TMEM53: variants seen among roughly 807,000 people sequenced by gnomAD.
TMEM53 encodes the protein novel DUF829 domain-containing protein.
In TMEM53, 14 loss-of-function variants were observed where a neutral mutation model predicts 21.4. The observed-to-expected ratio is 0.65, with a 90% CI of 0.43 to 1.02. The LOEUF (loss-of-function observed/expected upper bound fraction) is 1.02. TMEM53 is among the 50% of genes least tolerant of loss of function. TMEM53 has a pLI of 0.00. For missense variants in TMEM53, 323 were observed against 383.6 expected, an observed-to-expected ratio of 0.84 and a Z score of 1.32; for synonymous variants, 148 against 157.4, an observed-to-expected ratio of 0.94 and a Z score of 0.45.
At chr1:44,661,747 C>G (rs181530286) in intron 1 of TMEM53, among the ~76,000 whole-genome samples, 417 of 152,210 alleles carry the variant, frequency 2.7e-3, no homozygotes, top group Non-Finnish European at 5.0e-3. Flanking sequence ...CCCCTGCTCC[C>G]CACCCTAAAC....
At position 44,655,772 on chromosome 1, in the gene TMEM53, G is replaced by T. The variant is rs900292212; in HGVS notation, c.184-563C>A. ...CAGGCCCACATCACTTTCATCACTG[G>T]TCACTGTCACCTTCCCTCTCTCCCA... On this transcript the variant is annotated intron_variant, in intron 2 of 2. Coordinates refer to ENST00000372237, the MANE Select transcript of TMEM53 (RefSeq NM_024587.4). The surrounding 1 kb of genome is among the most constrained non-coding windows in gnomAD (Gnocchi z 4.4). 2.0e-5 allele frequency among the ~76,000 whole-genome samples: 3 copies of T among 152,058 alleles called. No homozygotes were observed. Among genetic ancestry groups the T allele is most frequent in the Non-Finnish European group, 4.4e-5 (3 of 68,016 alleles).
At chr1:44,663,376 G>T (rs1644918520) in intron 1 of TMEM53, among the ~76,000 whole-genome samples, 1 of 152,176 alleles carries the variant, frequency 6.6e-6, no homozygotes, top group African/African-American at 2.4e-5. Flanking sequence ...GAGTAGCTGG[G>T]ACTATAGGTG....
rs1348818607 is a variant in TMEM53 at position 44,674,422 on chromosome 1, C to G, written c.-31G>C. ...AGGCGCCGGCCCAGAGCACGGGTCT[C>G]CAGCCGGAACTCCCGCTTGCGCACC... is the stretch of plus-strand genomic sequence containing the variant. On this transcript the variant is annotated 5_prime_UTR_variant, in exon 1 of 3. Coordinates refer to ENST00000372237, the MANE Select transcript of TMEM53 (RefSeq NM_024587.4). The G allele has an allele frequency of 4.4e-6, 7 of 1,593,650 alleles. No homozygotes were observed. The highest frequency in any genetic ancestry group is 6.0e-6 in the Non-Finnish European group (7 of 1,170,912).
chr1:44,665,746 T>C (rs1644943887), intron 1 of TMEM53, among the ~76,000 whole-genome samples: 1 of 151,214 alleles, frequency 6.6e-6, no homozygotes, highest in African/African-American at 2.4e-5. Flanking sequence ...ATCATAGACA[T>C]AAATGTAAGA....
intron 1 of TMEM53, among the ~76,000 whole-genome samples, chr1:44,668,768 C>T (rs1029589371): frequency 2.6e-5 from 4 of 152,344 alleles, no homozygotes; most frequent in African/African-American, 9.6e-5. Flanking sequence ...GTCTCAAATT[C>T]TTGGGCTCAA....
intron 1 of TMEM53, among the ~76,000 whole-genome samples, chr1:44,662,157 T>C (rs1644907695): frequency 6.6e-6 from 1 of 152,346 alleles, no homozygotes; most frequent in Admixed American, 6.5e-5. Context: ...TGGAAATTAA[T>C]GTGATTGAAA....
intron 2 of TMEM53, among the ~76,000 whole-genome samples, chr1:44,656,942 G>A (rs1227585932): frequency 1.3e-5 from 2 of 151,938 alleles, no homozygotes; most frequent in African/African-American, 4.8e-5. Flanking sequence ...AACCCAGGAG[G>A]CAGAGGTTGC....
rs1455585451 is a variant in TMEM53, at chr1:44,654,597, G to A, written c.796C>T (p.Leu266Phe). ...CAGTTGCGCATGAAGTCGACACAGA[G>A]GCTTGTGTAGTAAGTAGGGTAGTCA... ...LRDYPTYYTS[L>F]CVDFMRNCVR... The change falls in exon 3 of 3, where the codon CTC becomes TTC. Residue 266 changes from leucine to phenylalanine, a missense_variant. By Grantham distance (22) the Leu-to-Phe change is conservative. Coordinates refer to ENST00000372237, the MANE Select transcript of TMEM53 (RefSeq NM_024587.4). This position sits in a 1 kb window ranked among gnomAD's most constrained non-coding sequence, Gnocchi z 7.0. 3 of 1,612,272 alleles carry A rather than the reference G, an allele frequency of 1.9e-6. No homozygotes were observed. Among genetic ancestry groups the A allele is most frequent in the Non-Finnish European group, 2.5e-6 (3 of 1,178,642 alleles).
intron 2 of TMEM53, among the ~76,000 whole-genome samples, chr1:44,657,105 T>G (rs1215869374): frequency 1.3e-5 from 2 of 151,692 alleles, no homozygotes; most frequent in African/African-American, 4.8e-5. Context: ...GGAGGCAGAA[T>G]GATTGCTTGA....
At chr1:44,667,764 CA>C (rs1415164630) in intron 1 of TMEM53, among the ~76,000 whole-genome samples, 2 of 151,972 alleles carry the variant, frequency 1.3e-5, no homozygotes, top group Admixed American at 6.6e-5. Flanking sequence ...TCTCAAACAA[CA>C]GGGGAGGTGG....
chr1:44,655,875 T>G lies in TMEM53; in HGVS notation c.184-666A>C, dbSNP rs1644845177. On this transcript the variant is annotated intron_variant, in intron 2 of 2. Transcript: ENST00000372237. The surrounding 1 kb of genome is among the most constrained non-coding windows in gnomAD (Gnocchi z 4.4). Reference sequence around the variant, plus strand: ...ATGTCCCTGGTTCCCCGGCCTGGGATCACTCCTCATATCTGCCCTGAAATT... The same window carrying G: ...ATGTCCCTGGTTCCCCGGCCTGGGAGCACTCCTCATATCTGCCCTGAAATT... 6.6e-6 allele frequency among the ~76,000 whole-genome samples: 1 copy of G among 152,170 alleles called. No individual in the cohort carries two copies. Among genetic ancestry groups the G allele is most frequent in the Non-Finnish European group, 1.5e-5 (1 of 68,026 alleles).
rs1228949540 is a variant in TMEM53, at chr1:44,655,742, T to A, written c.184-533A>T. Among the ~76,000 whole-genome samples the A allele has an allele frequency of 6.6e-6, 1 of 152,158 alleles. No individual in the cohort carries two copies. Among genetic ancestry groups the A allele is most frequent in the South Asian group, 2.1e-4 (1 of 4,834 alleles). ...AGCCCTGACCACCAGAGGCCACTTC[T>A]GAGCCAGGCCCACATCACTTTCATC... On this transcript the variant is annotated intron_variant, in intron 2 of 2. Coordinates refer to ENST00000372237, the MANE Select transcript of TMEM53 (RefSeq NM_024587.4). The surrounding 1 kb of genome is among the most constrained non-coding windows in gnomAD (Gnocchi z 4.4).
In TMEM53 at chr1:44,660,162, C is replaced by T. The variant is rs549222393; in HGVS notation, c.183+12G>A. On this transcript the variant is annotated intron_variant, in intron 2 of 2. Transcript: ENST00000372237. Reference sequence around the variant, plus strand: ...CACGGCAGCCCAGGGGAGAGGGCACCAGAGTACTCACCCTTTTGTGGTAGA... The same window carrying T: ...CACGGCAGCCCAGGGGAGAGGGCACTAGAGTACTCACCCTTTTGTGGTAGA... 6.2e-7 allele frequency: 1 copy of T among 1,612,608 alleles called. No individual in the cohort carries two copies. The highest frequency in any genetic ancestry group is 2.2e-5 in the East Asian group (1 of 44,716).
chr1:44,654,472 G>A lies in TMEM53; in HGVS notation c.*87C>T, dbSNP rs1338858630. On this transcript the variant is annotated 3_prime_UTR_variant, in exon 3 of 3. Transcript: ENST00000372237. This position sits in a 1 kb window ranked among gnomAD's most constrained non-coding sequence, Gnocchi z 7.0. ...AAGTCCCAAAGGGCTACAGGGAGTT[G>A]AACGAGAAGAGTGCCCGACAGATTG... 1.3e-6 allele frequency: 2 copies of A among 1,487,672 alleles called. No individual in the cohort carries two copies. Among genetic ancestry groups the A allele is most frequent in the Non-Finnish European group, 1.8e-6 (2 of 1,097,412 alleles). 92.2% of individuals were successfully genotyped at this position (1,487,672 alleles called of 1,614,324 possible).
intron 1 of TMEM53, among the ~76,000 whole-genome samples, chr1:44,664,547 T>G (rs928496178): frequency 6.6e-6 from 1 of 151,328 alleles, no homozygotes; most frequent in African/African-American, 2.4e-5. Context: ...TTGCTCAGGG[T>G]TACATAACTA....
chr1:44,674,420 C>G lies in TMEM53; in HGVS notation c.-29G>C, dbSNP rs1257772711. The G allele has an allele frequency of 1.9e-6, 3 of 1,595,392 alleles. No homozygotes were observed. In the South Asian group the frequency reaches 3.4e-5, roughly 18 times the overall value. Reference sequence around the variant, plus strand: ...GAAGGCGCCGGCCCAGAGCACGGGTCTCCAGCCGGAACTCCCGCTTGCGCA... The same window carrying G: ...GAAGGCGCCGGCCCAGAGCACGGGTGTCCAGCCGGAACTCCCGCTTGCGCA... On this transcript the variant is annotated 5_prime_UTR_variant, in exon 1 of 3. Transcript: ENST00000372237.
At position 44,660,179 on chromosome 1, in the gene TMEM53, T is replaced by C; in HGVS notation, c.178A>G (p.Lys60Glu). The C allele has an allele frequency of 6.2e-7, 1 of 1,613,928 alleles. No individual in the cohort carries two copies. Among genetic ancestry groups the C allele is most frequent in the Non-Finnish European group, 8.5e-7 (1 of 1,179,924 alleles). ...GAGGGCACCAGAGTACTCACCCTTT[T>C]GTGGTAGATGGCACTGTACTTGGCA... ...NLAKYSAIYH[K>E]RGCIVIRYTA... is the part of the protein sequence containing the mutation. The change falls in exon 2 of 3, where the codon AAA becomes GAA. Residue 60 changes from lysine to glutamate, a missense_variant. Transcript: ENST00000372237.
intron 1 of TMEM53, chr1:44,673,981 A>G (rs879793365): frequency 1.0e-5 from 10 of 985,336 alleles, no homozygotes; most frequent in African/African-American, 1.7e-5. Flanking sequence ...GGGAAGCCCA[A>G]TCCCAAACAA....
chr1:44,671,206 G>A (rs1573235882), intron 1 of TMEM53, among the ~76,000 whole-genome samples: 1 of 152,242 alleles, frequency 6.6e-6, no homozygotes, highest in East Asian at 1.9e-4. Flanking sequence ...GAGGGAGGAG[G>A]GAAGACAGAT....
Sources: gnomAD v4.1 joint callset for allele counts (sites outside exome capture counted in the v4.1 genomes callset) on GRCh38, gnomAD v4.1.1 for gene constraint, Gnocchi (gnomAD v3.1) non-coding constraint, MANE v1.5 for transcripts, NCBI Gene and HGNC (gene_info 2026-07-23, HGNC 2026-07-21) for gene names.